The following ULK4 variants were observed in gnomAD, a reference collection of about 807,000 sequenced individuals.
The protein encoded by ULK4 is inactive serine/threonine-protein kinase ULK4.
Under a neutral mutation model 160.6 loss-of-function variants are expected in ULK4, and 133 were observed. That is an observed-to-expected ratio of 0.83 (90% CI 0.72 to 0.96). ULK4 has a LOEUF of 0.96. ULK4 is among the 40% of genes least tolerant of loss of function. The pLI, the probability that ULK4 is intolerant of heterozygous loss-of-function variation, is 0.00. For missense variants in ULK4, 1,580 were observed against 1,499.5 expected (o/e 1.05, Z -0.89); for synonymous variants, 534 against 539.8 (o/e 0.99, Z 0.15).
In ULK4 at chr3:41,439,980, A is replaced by G. The variant is rs968895475; in HGVS notation, c.3492+15517T>C. On this transcript the variant is annotated intron_variant, in intron 34 of 36. Transcript: ENST00000301831. ...ATATTTTTATGCTATTGCAAAACGCATTACTTATTTCAATTTCAAATTGTC... is the reference window on the plus strand; with the variant it reads ...ATATTTTTATGCTATTGCAAAACGCGTTACTTATTTCAATTTCAAATTGTC... 2.6e-5 allele frequency among the ~76,000 whole-genome samples: 4 copies of G among 152,170 alleles called. No individual in the cohort carries two copies. The East Asian group carries it at 7.7e-4, about 29-fold the overall frequency.
intron 35 of ULK4, among the ~76,000 whole-genome samples, chr3:41,344,182 A>C (rs982944103): frequency 2.6e-5 from 4 of 152,136 alleles, no homozygotes; most frequent in African/African-American, 9.7e-5. Context: ...CACACCTACA[A>C]CCATTTGATC....
chr3:41,392,387 A>G (rs537934179), intron 35 of ULK4, among the ~76,000 whole-genome samples: 3 of 152,272 alleles, frequency 2.0e-5, no homozygotes, highest in African/African-American at 7.2e-5. Context: ...TTTGTTAGTG[A>G]AAACTGTAGT....
At position 41,715,227 on chromosome 3, in the gene ULK4, T is replaced by C. The variant is rs1488304906; in HGVS notation, c.2634+10A>G. On this transcript the variant is annotated intron_variant, in intron 25 of 36. Coordinates refer to ENST00000301831, the MANE Select transcript of ULK4 (RefSeq NM_017886.4). ...TTTATTAGAAACAAGGAAAATTTCG[T>C]GTTACTCACAAGAATAGTTCCATAG... is the stretch of plus-strand genomic sequence containing the variant. 10 of 1,609,264 alleles carry C rather than the reference T, an allele frequency of 6.2e-6. No homozygotes were observed. Among genetic ancestry groups the C allele is most frequent in the Non-Finnish European group, 8.5e-6 (10 of 1,178,966 alleles).
intron 35 of ULK4, among the ~76,000 whole-genome samples, chr3:41,357,590 C>T (rs1322749551): frequency 6.6e-6 from 1 of 152,164 alleles, no homozygotes; most frequent in African/African-American, 2.4e-5. Flanking sequence ...TGGAGACTGT[C>T]ATCTGTGTTT....
intron 35 of ULK4, among the ~76,000 whole-genome samples, chr3:41,378,790 AAAAT>A (rs1348566532): frequency 3.3e-5 from 5 of 151,700 alleles, no homozygotes; most frequent in Admixed American, 6.6e-5. Flanking sequence ...TAAATAAAAT[AAAAT>A]AAATAAAATA....
chr3:41,890,149 A>G (rs1277391685), intron 16 of ULK4, among the ~76,000 whole-genome samples: 1 of 152,222 alleles, frequency 6.6e-6, no homozygotes, highest in Non-Finnish European at 1.5e-5. Flanking sequence ...GAAATTAGAT[A>G]ATGGCAATGG....
chr3:41,461,757 A>T (rs1469823485), intron 33 of ULK4, among the ~76,000 whole-genome samples: 1 of 152,170 alleles, frequency 6.6e-6, no homozygotes, highest in African/African-American at 2.4e-5. Flanking sequence ...TTAACTTCTG[A>T]TCCTTTTTCT....
chr3:41,898,078 T>C (rs1267866791), intron 14 of ULK4, among the ~76,000 whole-genome samples: 2 of 152,154 alleles, frequency 1.3e-5, no homozygotes, highest in African/African-American at 4.8e-5. Flanking sequence ...TCCTTCATTG[T>C]TGTCCCCAAC....
At chr3:41,653,100 G>GA (rs1462034535) in intron 30 of ULK4, among the ~76,000 whole-genome samples, 1 of 152,144 alleles carries the variant, frequency 6.6e-6, no homozygotes, top group Non-Finnish European at 1.5e-5. Context: ...AGACAGCAAA[G>GA]AACTAGCCTT....
At position 41,558,719 on chromosome 3, in the gene ULK4, GA is replaced by G. The variant is rs200987405; in HGVS notation, c.3226+7305del. Among the ~76,000 whole-genome samples, 1,141 of 149,222 alleles carry G rather than the reference GA, an allele frequency of 7.6e-3. 9 individuals are homozygous for G. The highest frequency in any genetic ancestry group is 0.031 in the Middle Eastern group (9 of 288). On this transcript the variant is annotated intron_variant, in intron 32 of 36. Coordinates refer to ENST00000301831, the MANE Select transcript of ULK4 (RefSeq NM_017886.4). Reference sequence around the variant, plus strand: ...ACTCCATCTCAAAAAAAAAAGAAAAGAAAAAAAAGGAAAGAAAAAGAAATAG... The same window carrying G: ...ACTCCATCTCAAAAAAAAAAGAAAAGAAAAAAAGGAAAGAAAAAGAAATAG...
intron 30 of ULK4, among the ~76,000 whole-genome samples, chr3:41,631,641 C>T (rs186843173): frequency 3.8e-4 from 58 of 152,198 alleles, no homozygotes; most frequent in Non-Finnish European, 6.9e-4. Context: ...AATGCTTTTA[C>T]GCTTATTACC....
At chr3:41,876,602 A>T (rs1199793350) in intron 17 of ULK4, among the ~76,000 whole-genome samples, 1 of 152,206 alleles carries the variant, frequency 6.6e-6, no homozygotes, top group Non-Finnish European at 1.5e-5. Context: ...GTGCATCAAA[A>T]TGTGTGTGCA....
intron 35 of ULK4, among the ~76,000 whole-genome samples, chr3:41,381,956 T>C (rs781269717): frequency 6.6e-6 from 1 of 152,122 alleles, no homozygotes; most frequent in Non-Finnish European, 1.5e-5. Context: ...CCCTAGAACA[T>C]ACCATGAATA....
At chr3:41,481,609 C>T (rs994999116) in intron 32 of ULK4, among the ~76,000 whole-genome samples, 4 of 151,894 alleles carry the variant, frequency 2.6e-5, no homozygotes, top group Non-Finnish European at 4.4e-5. Flanking sequence ...GGGCGGATCA[C>T]GAGGTCAGGA....
chr3:41,251,691 G>C lies in ULK4; in HGVS notation c.3679-2117C>G, dbSNP rs1308122428. Among the ~76,000 whole-genome samples the C allele has an allele frequency of 3.9e-5, 6 of 152,330 alleles. No homozygotes were observed. In the East Asian group the frequency reaches 9.6e-4, roughly 24 times the overall value. On this transcript the variant is annotated intron_variant, in intron 35 of 36. Coordinates refer to ENST00000301831, the MANE Select transcript of ULK4 (RefSeq NM_017886.4). ...TGTCCCAGGCCATTCTGTGATGGCA[G>C]CAGTGGTAGTGGGGACAGAGGTGGC...
chr3:41,506,469 T>G (rs1008243928), intron 32 of ULK4, among the ~76,000 whole-genome samples: 3 of 152,026 alleles, frequency 2.0e-5, no homozygotes, highest in African/African-American at 7.2e-5. Flanking sequence ...CTTTTCCAGG[T>G]TTTGAGCCAC....
intron 35 of ULK4, among the ~76,000 whole-genome samples, chr3:41,389,647 T>C (rs1476223128): frequency 2.0e-5 from 3 of 152,236 alleles, no homozygotes; most frequent in African/African-American, 4.8e-5. Context: ...TTTTTGTCTT[T>C]GGTTCTGTTT....
chr3:41,389,599 CA>C (rs1216895898), intron 35 of ULK4, among the ~76,000 whole-genome samples: 1 of 152,128 alleles, frequency 6.6e-6, no homozygotes, highest in Non-Finnish European at 1.5e-5. Context: ...TGAATTTTGT[CA>C]AAGGCCTTTT....
chr3:41,403,373 T>C (rs923984761), intron 34 of ULK4, among the ~76,000 whole-genome samples: 1 of 152,194 alleles, frequency 6.6e-6, no homozygotes. Context: ...TTACAGAATT[T>C]ATGAACATAA....
Sources: gnomAD v4.1 joint callset for allele counts (sites outside exome capture counted in the v4.1 genomes callset) on GRCh38, gnomAD v4.1.1 for gene constraint, MANE v1.5 for transcripts, NCBI Gene and HGNC (gene_info 2026-07-23, HGNC 2026-07-21) for gene names.